Variants in PCDHA8 observed in about 807,000 individuals in gnomAD.
The protein encoded by PCDHA8 is protocadherin alpha-8.
PCDHA8 carries 53 observed loss-of-function variants against 61.8 expected under a neutral mutation model. The observed-to-expected ratio is 0.86, with a 90% CI of 0.69 to 1.08. The LOEUF (loss-of-function observed/expected upper bound fraction) is 1.08. Among genes scored for constraint, PCDHA8 ranks in the 50% least tolerant of loss-of-function variants. The probability of loss-of-function intolerance (pLI) is 0.00; values close to 1 mark genes in which losing one functional copy is unlikely to be tolerated. For missense variants in PCDHA8, 1,293 were observed against 1,245.0 expected, an observed-to-expected ratio of 1.04 and a Z score of -0.58; for synonymous variants, 618 against 556.6, an observed-to-expected ratio of 1.11 and a Z score of -1.55.
chr5:140,883,844 G>A (rs1404353270), intron 1 of PCDHA8: 4 of 1,612,836 alleles, frequency 2.5e-6, no homozygotes, highest in East Asian at 2.2e-5. Context: ...GTTGGACCAC[G>A]AGGAGCTGGA....
intron 1 of PCDHA8, among the ~76,000 whole-genome samples, chr5:140,887,409 T>C (rs1203976948): frequency 6.6e-6 from 1 of 152,184 alleles, no homozygotes; most frequent in African/African-American, 2.4e-5. Context: ...TATCTCATTT[T>C]TATTTTTGAA....
chr5:140,852,681 T>A, intron 1 of PCDHA8: 1 of 968,122 alleles, frequency 1.0e-6, no homozygotes, highest in Non-Finnish European at 1.2e-6. Context: ...TCACCTTGAA[T>A]ATAGTCTTAT....
intron 1 of PCDHA8, chr5:140,884,516 T>C: frequency 6.2e-7 from 1 of 1,613,960 alleles, no homozygotes; most frequent in South Asian, 1.1e-5. Context: ...GAGTTGGTCG[T>C]ACTCGCAGCA....
At chr5:140,852,176 A>G in intron 1 of PCDHA8, 1 of 792,442 alleles carries the variant, frequency 1.3e-6, no homozygotes, top group South Asian at 5.6e-5. Flanking sequence ...CACAAAAATA[A>G]CTATGAAAAT....
chr5:140,928,392 G>T (rs17844366), intron 1 of PCDHA8: 1 of 1,614,052 alleles, frequency 6.2e-7, no homozygotes, highest in Admixed American at 1.7e-5. Context: ...TGCTGGCAGT[G>T]GAATCATCCA....
At chr5:140,966,543 A>T (rs200134570) in intron 1 of PCDHA8, 4 of 461,074 alleles carry the variant, frequency 8.7e-6, no homozygotes, top group Non-Finnish European at 1.5e-5. Context: ...AGCGACTCGG[A>T]GGCGAGCGGA....
At chr5:140,850,674 C>T in intron 1 of PCDHA8, 1 of 1,598,338 alleles carries the variant, frequency 6.3e-7, no homozygotes, top group Non-Finnish European at 8.6e-7. Context: ...CTCGGCGATG[C>T]CCACCGAGGG....
chr5:140,858,622 G>T, intron 1 of PCDHA8: 1 of 1,136,482 alleles, frequency 8.8e-7, no homozygotes, highest in Non-Finnish European at 1.2e-6. Flanking sequence ...ATCCTACCCA[G>T]TGTGTCAGCC....
chr5:141,006,207 T>C (rs1434083054), intron 3 of PCDHA8, among the ~76,000 whole-genome samples: 4 of 150,998 alleles, frequency 2.6e-5, no homozygotes, highest in Non-Finnish European at 5.9e-5. Context: ...TTATGCCTCA[T>C]TTTTTTTTAA....
chr5:140,995,883 A>C (rs892876266), intron 3 of PCDHA8, among the ~76,000 whole-genome samples: 2 of 152,232 alleles, frequency 1.3e-5, no homozygotes, highest in Admixed American at 6.5e-5. Flanking sequence ...CCTGTGCTTC[A>C]GATTTATCAA....
chr5:140,895,692 A>G (rs1367486030), intron 1 of PCDHA8, among the ~76,000 whole-genome samples: 1 of 152,138 alleles, frequency 6.6e-6, no homozygotes, highest in African/African-American at 2.4e-5. Flanking sequence ...CTGTTTCTAT[A>G]TTAATTCACT....
intron 1 of PCDHA8, chr5:140,858,899 C>G (rs1236968449): frequency 4.9e-6 from 1 of 203,942 alleles, no homozygotes; most frequent in South Asian, 8.1e-5. Context: ...ATATGTGTAG[C>G]GTACCACAGC....
intron 1 of PCDHA8, among the ~76,000 whole-genome samples, chr5:140,942,138 T>C (rs1269073266): frequency 1.3e-5 from 2 of 152,240 alleles, no homozygotes; most frequent in African/African-American, 4.8e-5. Flanking sequence ...TTTGTGGCTT[T>C]ACTTGACATA....
chr5:140,850,235 G>C (rs2041450021), intron 1 of PCDHA8: 1 of 1,593,876 alleles, frequency 6.3e-7, no homozygotes, highest in African/African-American at 1.3e-5. Flanking sequence ...TGAGCGAGAT[G>C]GTGCTGCGGT....
At position 140,879,168 on chromosome 5, in the gene PCDHA8, A is replaced by G. The variant is rs2057882676; in HGVS notation, c.2394+35453A>G. Among the ~76,000 whole-genome samples, 5 of 152,334 alleles carry G rather than the reference A, an allele frequency of 3.3e-5. 1 individual carries two copies. Among genetic ancestry groups the G allele is most frequent in the Admixed American group, 6.5e-5 (1 of 15,308 alleles). On this transcript the variant is annotated intron_variant, in intron 1 of 3. Coordinates refer to ENST00000531613, the MANE Select transcript of PCDHA8 (RefSeq NM_018911.3). ...AGGAAAGCTATTTCTTTTTTAATAAATTAGGTATCAAGTAATGGAGACTTA... is the reference window on the plus strand; with the variant it reads ...AGGAAAGCTATTTCTTTTTTAATAAGTTAGGTATCAAGTAATGGAGACTTA...
At chr5:140,857,127 A>C in intron 1 of PCDHA8, 1 of 1,598,180 alleles carries the variant, frequency 6.3e-7, no homozygotes, top group Non-Finnish European at 8.6e-7. Flanking sequence ...CCAGTGAAAG[A>C]AGATGCTCAA....
chr5:140,928,256 C>G (rs1192362928), intron 1 of PCDHA8: 19 of 1,614,116 alleles, frequency 1.2e-5, no homozygotes, highest in Non-Finnish European at 1.5e-5. Flanking sequence ...CTTTTCGTTG[C>G]TGAAAACAAT....
At chr5:140,875,342 A>C in intron 1 of PCDHA8, 1 of 1,443,152 alleles carries the variant, frequency 6.9e-7, no homozygotes, top group Non-Finnish European at 9.1e-7. Context: ...GATCGACTCC[A>C]TAATGACTGT....
chr5:140,975,058 C>T (rs1016137596), intron 1 of PCDHA8, among the ~76,000 whole-genome samples: 34 of 152,090 alleles, frequency 2.2e-4, no homozygotes, highest in African/African-American at 8.2e-4. Context: ...AATCTACTAT[C>T]GAGCTCATTC....
Sources: allele counts gnomAD v4.1 joint callset (sites outside exome capture counted in the v4.1 genomes callset), GRCh38; gene constraint gnomAD v4.1.1; transcripts MANE v1.5; gene names NCBI Gene and HGNC (gene_info 2026-07-23, HGNC 2026-07-21).